TGFBR2: variants seen among roughly 807,000 people sequenced by gnomAD.
TGFBR2 encodes the protein transforming growth factor beta receptor 2.
Under a neutral mutation model 49.0 loss-of-function variants are expected in TGFBR2, and 18 were observed. The observed-to-expected ratio is 0.37, with a 90% confidence interval of 0.25 to 0.54. The LOEUF (loss-of-function observed/expected upper bound fraction) is 0.54, where lower values mean the gene tolerates loss of function less well. Among genes scored for constraint, TGFBR2 ranks in the 20% least tolerant of loss-of-function variants. The pLI is 0.85. For synonymous variants in TGFBR2, 282 were observed against 275.9 expected (o/e 1.02, Z -0.22); for missense variants, 525 against 722.6 (o/e 0.73, Z 3.13).
Position 30,674,090 on chromosome 3 carries a change from C to T in TGFBR2, c.1255-15C>T, listed in dbSNP as rs563937625. On this transcript the variant is annotated splice_polypyrimidine_tract_variant and intron_variant, in intron 4 of 6. Transcript: ENST00000295754. The stretch of plus-strand genomic sequence containing the variant: ...GGAATTAAATGATGGGCCTCACTGT[C>T]TGTTTTTGCTATAGGTGGGAACTGC... 6.2e-7 allele frequency: 1 copy of T among 1,614,140 alleles called. No individual in the cohort carries two copies. Among genetic ancestry groups the T allele is most frequent in the Non-Finnish European group, 8.5e-7 (1 of 1,180,006 alleles).
Position 30,672,366 on chromosome 3 carries a change from C to G in TGFBR2, c.1183C>G (p.Leu395Val). Residue 395 changes from leucine to valine, a missense_variant, in exon 4 of 7, where the codon CTG becomes GTG. Transcript: ENST00000295754. This position sits in a 1 kb window ranked among gnomAD's most constrained non-coding sequence, Gnocchi z 4.5. Reference sequence around the variant, plus strand: ...CGTGAAGAACGACCTAACCTGCTGCCTGTGTGACTTTGGGCTTTCCCTGCG... The same window carrying G: ...CGTGAAGAACGACCTAACCTGCTGCGTGTGTGACTTTGGGCTTTCCCTGCG... ...ILVKNDLTCC[L>V]CDFGLSLRLD... 1 of 1,614,194 alleles carries G rather than the reference C, an allele frequency of 6.2e-7. No individual in the cohort carries two copies. The highest frequency in any genetic ancestry group is 8.5e-7 in the Non-Finnish European group (1 of 1,180,022).
chr3:30,691,901 G>A lies in TGFBR2; in HGVS notation c.*302G>A, dbSNP rs1277494150. ...TAATGCCTGTATATAAATATGAATA[G>A]CTATGTTTTATATATATATATATAT... On this transcript the variant is annotated 3_prime_UTR_variant, in exon 7 of 7. Coordinates refer to ENST00000295754, the MANE Select transcript of TGFBR2 (RefSeq NM_003242.6). The A allele has an allele frequency of 1.9e-5, 6 of 322,524 alleles. No individual in the cohort carries two copies. In the South Asian group the frequency reaches 1.9e-4, roughly 10 times the overall value. The allele number at this position is 322,524 out of a possible 1,614,324, so 20.0% of individuals were successfully genotyped here.
intron 1 of TGFBR2, among the ~76,000 whole-genome samples, chr3:30,620,418 T>G (rs1237852915): frequency 6.6e-6 from 1 of 152,028 alleles, no homozygotes; most frequent in African/African-American, 2.4e-5. Context: ...CCACCAAGTG[T>G]AAATGTCAAT....
intron 5 of TGFBR2, among the ~76,000 whole-genome samples, chr3:30,684,551 T>G (rs1257143712): frequency 6.6e-6 from 1 of 152,060 alleles, no homozygotes; most frequent in Non-Finnish European, 1.5e-5. Flanking sequence ...TCCCCAGACT[T>G]GTCTATTTTA....
At chr3:30,684,342 A>G (rs989997055) in intron 5 of TGFBR2, among the ~76,000 whole-genome samples, 23 of 152,350 alleles carry the variant, frequency 1.5e-4, no homozygotes, top group African/African-American at 5.3e-4. Context: ...GCAAAAATCC[A>G]TAATTAGAAA....
intron 6 of TGFBR2, among the ~76,000 whole-genome samples, chr3:30,689,566 G>C (rs1053006572): frequency 1.5e-4 from 23 of 152,208 alleles, no homozygotes; most frequent in Admixed American, 1.5e-3. Flanking sequence ...TGCCAGTCCT[G>C]GCCCAGAGCC....
At chr3:30,630,652 A>G (rs1698417796) in intron 1 of TGFBR2, among the ~76,000 whole-genome samples, 1 of 152,134 alleles carries the variant, frequency 6.6e-6, no homozygotes. Flanking sequence ...TCCAAAATTT[A>G]TGTTGAAACT....
At chr3:30,607,664 G>C (rs918017326) in intron 1 of TGFBR2, among the ~76,000 whole-genome samples, 4 of 151,866 alleles carry the variant, frequency 2.6e-5, no homozygotes, top group Non-Finnish European at 5.9e-5. Context: ...CCTGGAACAA[G>C]ATAGTCCTGT....
rs35766612 is a variant in TGFBR2, at chr3:30,672,342, G to C, written c.1159G>C (p.Val387Leu). 4 of 1,613,764 alleles carry C rather than the reference G, an allele frequency of 2.5e-6. No individual in the cohort carries two copies. Among genetic ancestry groups the C allele is most frequent in the East Asian group, 2.2e-5 (1 of 44,868 alleles). ...GGACCTCAAGAGCTCCAATATCCTCGTGAAGAACGACCTAACCTGCTGCCT... is the reference window on the plus strand; with the variant it reads ...GGACCTCAAGAGCTCCAATATCCTCCTGAAGAACGACCTAACCTGCTGCCT... ...HRDLKSSNIL[V>L]KNDLTCCLCD... The change falls in exon 4 of 7, where the codon GTG becomes CTG. Residue 387 changes from valine to leucine, a missense_variant. Around this residue, in one of 3 missense-constraint regions of TGFBR2, gnomAD observed 45 missense variants for 111.0 expected, o/e 0.41. Transcript: ENST00000295754. The surrounding 1 kb of genome is among the most constrained non-coding windows in gnomAD (Gnocchi z 4.5).
intron 3 of TGFBR2, among the ~76,000 whole-genome samples, chr3:30,651,603 A>G (rs534741300): frequency 3.9e-4 from 59 of 152,358 alleles, no homozygotes; most frequent in South Asian, 4.1e-4. Flanking sequence ...GGATCTTATC[A>G]TGTCCCTGTT....
chr3:30,633,558 G>A (rs1342448794), intron 1 of TGFBR2, among the ~76,000 whole-genome samples: 1 of 152,154 alleles, frequency 6.6e-6, no homozygotes, highest in African/African-American at 2.4e-5. Flanking sequence ...CATTCAGGTG[G>A]CCACAGGGGC....
intron 1 of TGFBR2, among the ~76,000 whole-genome samples, chr3:30,631,382 T>TG (rs1183685054): frequency 1.3e-5 from 2 of 152,058 alleles, no homozygotes; most frequent in Admixed American, 6.6e-5. Context: ...TCAGAAAAGT[T>TG]GCAGCTACTC....
intron 1 of TGFBR2, among the ~76,000 whole-genome samples, chr3:30,641,473 T>C (rs920504712): frequency 2.0e-5 from 3 of 152,106 alleles, no homozygotes; most frequent in Admixed American, 6.5e-5. Flanking sequence ...GGTCAACTAA[T>C]AGGGAGTCGA....
At chr3:30,619,825 G>A (rs1171627779) in intron 1 of TGFBR2, among the ~76,000 whole-genome samples, 3 of 151,994 alleles carry the variant, frequency 2.0e-5, no homozygotes, top group East Asian at 1.9e-4. Context: ...TAGCCTCTCC[G>A]ACAAGCCTTG....
chr3:30,693,913 T>G lies in TGFBR2; in HGVS notation c.*2314T>G, dbSNP rs1699753926. ...TCCTAAAAATACTGACTTTTTTCAC[T>G]ACTATACATAAAGGGAAAGTTTTAT... On this transcript the variant is annotated 3_prime_UTR_variant, in exon 7 of 7. Coordinates refer to ENST00000295754, the MANE Select transcript of TGFBR2 (RefSeq NM_003242.6). 1 of 231,040 alleles carries G rather than the reference T, an allele frequency of 4.3e-6. No individual in the cohort carries two copies. The highest frequency in any genetic ancestry group is 1.8e-4 in the South Asian group (1 of 5,492). 14.3% of individuals were successfully genotyped at this position (231,040 alleles called of 1,614,324 possible).
rs372227293 is a variant in TGFBR2, at chr3:30,651,527, A to G, written c.454+1067A>G. On this transcript the variant is annotated intron_variant, in intron 3 of 6. Coordinates refer to ENST00000295754, the MANE Select transcript of TGFBR2 (RefSeq NM_003242.6). The stretch of plus-strand genomic sequence containing the variant: ...ACTTTTACAATTCCTTCTAAACAAG[A>G]TAGAACACATAGATATACTGTACAT... Among the ~76,000 whole-genome samples, 7 of 152,244 alleles carry G rather than the reference A, an allele frequency of 4.6e-5. No homozygotes were observed. The South Asian group carries it at 8.3e-4, about 18-fold the overall frequency.
chr3:30,628,625 C>T (rs1698381624), intron 1 of TGFBR2, among the ~76,000 whole-genome samples: 1 of 136,538 alleles, frequency 7.3e-6, no homozygotes, highest in Admixed American at 8.1e-5. Context: ...TGTGCCTGGG[C>T]TCTGCATTAG....
chr3:30,679,757 G>T (rs945945129), intron 5 of TGFBR2, among the ~76,000 whole-genome samples: 2 of 152,220 alleles, frequency 1.3e-5, no homozygotes, highest in African/African-American at 4.8e-5. Flanking sequence ...AAGCCCTGTT[G>T]TCTGACTCTG....
intron 5 of TGFBR2, among the ~76,000 whole-genome samples, chr3:30,675,499 A>G (rs1158027490): frequency 6.6e-6 from 1 of 151,262 alleles, no homozygotes; most frequent in African/African-American, 2.4e-5. Context: ...CAATTCTCCT[A>G]GCTCAGCCTC....
Sources: allele counts gnomAD v4.1 joint callset (sites outside exome capture counted in the v4.1 genomes callset), GRCh38; gene constraint gnomAD v4.1.1; regional missense constraint gnomAD v4.1.1; non-coding constraint Gnocchi (gnomAD v3.1); transcripts MANE v1.5; gene names NCBI Gene and HGNC (gene_info 2026-07-23, HGNC 2026-07-21).